The following FBXL20 variants were observed in gnomAD, a reference collection of about 807,000 sequenced individuals.
The protein encoded by FBXL20 is F-box and leucine rich repeat protein 20, also known as F-box/LRR-repeat protein 20.
FBXL20 carries 11 observed loss-of-function variants against 64.0 expected under a neutral mutation model. The ratio of observed to expected loss-of-function variants is 0.17; its 90% confidence interval spans 0.11 to 0.28. FBXL20 has a LOEUF of 0.28. Among genes scored for constraint, FBXL20 ranks in the 10% least tolerant of loss-of-function variants. The pLI is 1.00. For missense variants in FBXL20, 303 were observed against 526.2 expected, an observed-to-expected ratio of 0.58 and a Z score of 4.15; for synonymous variants, 184 against 189.0, an observed-to-expected ratio of 0.97 and a Z score of 0.22.
intron 1 of FBXL20, among the ~76,000 whole-genome samples, chr17:39,343,803 C>G (rs2047605992): frequency 6.6e-6 from 1 of 151,470 alleles, no homozygotes; most frequent in Non-Finnish European, 1.5e-5. Context: ...TCAAGCGATT[C>G]TCCTGCTTCA....
At chr17:39,268,653 G>A (rs181941882) in intron 12 of FBXL20, among the ~76,000 whole-genome samples, 174 bp downstream of exon 12, 2 of 152,204 alleles carry the variant, frequency 1.3e-5, no homozygotes, top group Admixed American at 6.5e-5. Flanking sequence ...CCACAGTTCT[G>A]CAACACATAC....
intron 1 of FBXL20, among the ~76,000 whole-genome samples, chr17:39,382,039 G>A (rs1282451128): frequency 2.1e-5 from 3 of 139,632 alleles, no homozygotes; most frequent in African/African-American, 8.3e-5. Flanking sequence ...GTTGCAGTAA[G>A]CCCAGATCAG....
intron 1 of FBXL20, among the ~76,000 whole-genome samples, chr17:39,364,878 A>G (rs1016663810): frequency 2.1e-4 from 32 of 152,192 alleles, no homozygotes; most frequent in African/African-American, 7.7e-4. Context: ...TGAGCGACCT[A>G]TTGGGGAGAT....
Position 39,379,519 on chromosome 17 carries a change from A to T in FBXL20, c.42+21842T>A, listed in dbSNP as rs374662070. On this transcript the variant is annotated intron_variant, in intron 1 of 14. Coordinates refer to ENST00000264658, the MANE Select transcript of FBXL20 (RefSeq NM_032875.3). ...AAAAACTGGCCAGGCACAGTGGCTT[A>T]CCCCTATAATCCCACTTTGGGAGGT... is the stretch of plus-strand genomic sequence containing the variant. 2.7e-5 allele frequency among the ~76,000 whole-genome samples: 4 copies of T among 148,888 alleles called. No individual in the cohort carries two copies. In the East Asian group the frequency reaches 5.8e-4, roughly 22 times the overall value.
chr17:39,385,342 T>G (rs376991686), intron 1 of FBXL20, among the ~76,000 whole-genome samples: 1 of 139,636 alleles, frequency 7.2e-6, no homozygotes, highest in African/African-American at 2.9e-5. Context: ...CACACACACA[T>G]AAATGGTTAC....
intron 2 of FBXL20, among the ~76,000 whole-genome samples, chr17:39,316,942 T>C (rs8066698): frequency 0.1 from 15,628 of 152,208 alleles, 863 homozygotes; most frequent in African/African-American, 0.15. Context: ...TGAGCGGAGA[T>C]TGCGCCACTG....
intron 5 of FBXL20, among the ~76,000 whole-genome samples, chr17:39,298,360 A>G (rs2047105186): frequency 1.3e-5 from 2 of 152,072 alleles, no homozygotes; most frequent in Admixed American, 6.6e-5. Context: ...GGCCTCAAGT[A>G]ATCCTCCCAC....
At chr17:39,356,552 C>T (rs562942115) in intron 1 of FBXL20, among the ~76,000 whole-genome samples, 9 of 152,086 alleles carry the variant, frequency 5.9e-5, no homozygotes, top group Admixed American at 2.6e-4. Context: ...GACGGGATTT[C>T]GCCATGTTGC....
chr17:39,315,229 G>T (rs4516267), intron 2 of FBXL20, among the ~76,000 whole-genome samples: 34,111 of 151,606 alleles, frequency 0.22, 4,549 homozygotes, highest in African/African-American at 0.37. Flanking sequence ...AGACATCCTA[G>T]GGAGTGCGAA....
chr17:39,401,942 G>T (rs1652040796), upstream of FBXL20: 1 of 430,592 alleles, frequency 2.3e-6, no homozygotes, highest in Non-Finnish European at 3.9e-6. Flanking sequence ...GCGAGTGCGC[G>T]CGTGCTCGCG....
intron 1 of FBXL20, among the ~76,000 whole-genome samples, chr17:39,363,169 C>G (rs559931270): frequency 3.3e-5 from 5 of 152,154 alleles, no homozygotes; most frequent in African/African-American, 1.2e-4. Context: ...TGCCACCACA[C>G]CCAGCTAATT....
At chr17:39,303,465 TCTC>T (rs2047155693) in intron 3 of FBXL20, 117 bp downstream of exon 3, 2 of 762,820 alleles carry the variant, frequency 2.6e-6, no homozygotes, top group Non-Finnish European at 4.0e-6. Flanking sequence ...GGTGAAATAA[TCTC>T]CTTTAAAACA....
intron 2 of FBXL20, among the ~76,000 whole-genome samples, chr17:39,331,267 A>T (rs1198266725): frequency 6.6e-6 from 1 of 151,998 alleles, no homozygotes; most frequent in Non-Finnish European, 1.5e-5. Flanking sequence ...TGCCCGGCTA[A>T]TTTTTGTATT....
At chr17:39,329,720 G>A (rs1383893189) in intron 2 of FBXL20, among the ~76,000 whole-genome samples, 4 of 152,252 alleles carry the variant, frequency 2.6e-5, no homozygotes, top group East Asian at 1.9e-4. Flanking sequence ...AAAAAAGGTC[G>A]GGTATGGTGG....
At chr17:39,371,335 T>C (rs1464841849) in intron 1 of FBXL20, among the ~76,000 whole-genome samples, 12 of 152,222 alleles carry the variant, frequency 7.9e-5, no homozygotes, top group Non-Finnish European at 1.8e-4. Context: ...AGCCTGTTAA[T>C]GCATAAATAT....
intron 2 of FBXL20, among the ~76,000 whole-genome samples, chr17:39,311,238 T>C (rs2047233258): frequency 6.6e-6 from 1 of 152,200 alleles, no homozygotes; most frequent in South Asian, 2.1e-4. Context: ...AAGCCTCTTT[T>C]GCTCAGTAAC....
rs374826745 is a variant in FBXL20 at position 39,306,625 on chromosome 17, T to C, written c.105-2986A>G. 2.0e-5 allele frequency among the ~76,000 whole-genome samples: 3 copies of C among 152,242 alleles called. No homozygotes were observed. The East Asian group carries it at 5.8e-4, about 29-fold the overall frequency. On this transcript the variant is annotated intron_variant, in intron 2 of 14. Transcript: ENST00000264658. Reference sequence around the variant, plus strand: ...ATTCCATTGGTCTATGTCTGCTTTATGCCAGTATCACACTATTTTAAATAT... The same window carrying C: ...ATTCCATTGGTCTATGTCTGCTTTACGCCAGTATCACACTATTTTAAATAT...
At chr17:39,314,610 C>T (rs1435302752) in intron 2 of FBXL20, among the ~76,000 whole-genome samples, 1 of 152,054 alleles carries the variant, frequency 6.6e-6, no homozygotes, top group Non-Finnish European at 1.5e-5. Context: ...ATCCACCTGC[C>T]TCGGCCTCCC....
chr17:39,290,447 T>C (rs1018599713), intron 6 of FBXL20, among the ~76,000 whole-genome samples: 3 of 152,200 alleles, frequency 2.0e-5, no homozygotes, highest in African/African-American at 7.2e-5. Flanking sequence ...ATCCTTGCCT[T>C]GTTCCTGATG....
Sources: gnomAD v4.1 joint callset for allele counts (sites outside exome capture counted in the v4.1 genomes callset) on GRCh38, gnomAD v4.1.1 for gene constraint, MANE v1.5 for transcripts, NCBI Gene and HGNC (gene_info 2026-07-23, HGNC 2026-07-21) for gene names.